PECAM1: variants seen among roughly 807,000 people sequenced by gnomAD.
The protein encoded by PECAM1 is platelet endothelial cell adhesion molecule.
In PECAM1, 8 loss-of-function variants were observed where a neutral mutation model predicts 13.8. The ratio of observed to expected loss-of-function variants is 0.58; its 90% confidence interval spans 0.34 to 1.05. The LOEUF (loss-of-function observed/expected upper bound fraction) is 1.05, where lower values mean the gene tolerates loss of function less well. Among genes scored for constraint, PECAM1 ranks in the 50% least tolerant of loss-of-function variants. The pLI is 0.03. For missense variants in PECAM1, 304 were observed against 141.2 expected, an observed-to-expected ratio of 2.15 and a Z score of -5.84; for synonymous variants, 136 against 52.6, an observed-to-expected ratio of 2.58 and a Z score of -6.86.
intron 6 of PECAM1, among the ~76,000 whole-genome samples, chr17:64,361,211 T>C (rs1421763055): frequency 6.7e-6 from 1 of 149,786 alleles, no homozygotes; most frequent in Non-Finnish European, 1.5e-5. Context: ...AATGGCGCAA[T>C]CTCAGCTGAC....
chr17:64,343,849 C>T (rs1158393362), intron 13 of PECAM1, among the ~76,000 whole-genome samples: 1 of 152,164 alleles, frequency 6.6e-6, no homozygotes, highest in African/African-American at 2.4e-5. Flanking sequence ...GTAGGGATCC[C>T]CAACCCTATT....
chr17:64,388,202 G>A (rs1164535642), intron 2 of PECAM1, among the ~76,000 whole-genome samples: 1 of 152,098 alleles, frequency 6.6e-6, no homozygotes, highest in Admixed American at 6.6e-5. Context: ...GGAGAGGGGA[G>A]AGCACCACGG....
chr17:64,381,166 CAA>C (rs1343467689), intron 2 of PECAM1, among the ~76,000 whole-genome samples: 1 of 152,188 alleles, frequency 6.6e-6, no homozygotes, highest in African/African-American at 2.4e-5. Flanking sequence ...CCTAATTTCA[CAA>C]AGTGTTCCAA....
At chr17:64,358,242 C>T (rs1046031920) in intron 7 of PECAM1, among the ~76,000 whole-genome samples, 2 of 151,522 alleles carry the variant, frequency 1.3e-5, no homozygotes, top group African/African-American at 4.8e-5. Flanking sequence ...CCTCAGCCAC[C>T]TGAGTAGCTG....
intron 5 of PECAM1, among the ~76,000 whole-genome samples, chr17:64,365,422 C>T (rs2036081020): frequency 2.0e-5 from 3 of 149,794 alleles, no homozygotes; most frequent in Admixed American, 2.0e-4. Flanking sequence ...GATTCAATGC[C>T]ATCCCCATCA....
chr17:64,371,987 G>C (rs940647602), intron 4 of PECAM1, among the ~76,000 whole-genome samples: 1 of 151,888 alleles, frequency 6.6e-6, no homozygotes, highest in African/African-American at 2.4e-5. Flanking sequence ...GGTGGTTTAC[G>C]GGAAAAAAAT....
At chr17:64,385,412 G>C (rs1286887546) in intron 2 of PECAM1, among the ~76,000 whole-genome samples, 1 of 152,192 alleles carries the variant, frequency 6.6e-6, no homozygotes, top group Non-Finnish European at 1.5e-5. Flanking sequence ...AGAAAGTGGA[G>C]GGTGCAGGAG....
At chr17:64,348,733 C>T (rs993526625) in intron 12 of PECAM1, among the ~76,000 whole-genome samples, 9 of 152,124 alleles carry the variant, frequency 5.9e-5, no homozygotes, top group Non-Finnish European at 1.0e-4. Context: ...CCACTGCCCC[C>T]GGCTAGATTT....
At chr17:64,383,382 A>AT (rs2036524905) in intron 2 of PECAM1, among the ~76,000 whole-genome samples, 1 of 152,214 alleles carries the variant, frequency 6.6e-6, no homozygotes. Flanking sequence ...TTTAACCTAA[A>AT]CAGTGACTGC....
chr17:64,330,681 T>G (rs1158495855), intron 14 of PECAM1, among the ~76,000 whole-genome samples: 1 of 148,898 alleles, frequency 6.7e-6, no homozygotes, highest in Non-Finnish European at 1.5e-5. Context: ...AAGAAAAAAA[T>G]GAAAACTATG....
At position 64,380,376 on chromosome 17, in the gene PECAM1, G is replaced by T. The variant is rs1383116895; in HGVS notation, c.92-2259C>A. Among the ~76,000 whole-genome samples the T allele has an allele frequency of 2.0e-5, 3 of 152,014 alleles. No individual in the cohort carries two copies. In the East Asian group the frequency reaches 5.8e-4, roughly 29 times the overall value. Reference sequence around the variant, plus strand: ...AAAGAGAAAAAGTAATTGATCTGTAGGGGATTTGGAAAAAAATGTACTGAA... The same window carrying T: ...AAAGAGAAAAAGTAATTGATCTGTATGGGATTTGGAAAAAAATGTACTGAA... On this transcript the variant is annotated intron_variant, in intron 2 of 15. Transcript: ENST00000563924.
At chr17:64,339,167 A>C (rs963464633) in intron 14 of PECAM1, among the ~76,000 whole-genome samples, 8 of 152,172 alleles carry the variant, frequency 5.3e-5, no homozygotes, top group Non-Finnish European at 1.2e-4. Context: ...GGCCTCCTGC[A>C]GCGAGGATCC....
Position 64,358,111 on chromosome 17 carries a change from C to CTTTTTTTTTT in PECAM1, c.1493-1723_1493-1714dup, listed in dbSNP as rs141671796. 5.7e-4 allele frequency among the ~76,000 whole-genome samples: 41 copies of CTTTTTTTTTT among 71,546 alleles called. 2 individuals are homozygous for CTTTTTTTTTT. Among genetic ancestry groups the CTTTTTTTTTT allele is most frequent in the East Asian group, 2.1e-3 (4 of 1,868 alleles). 46.9% of individuals were successfully genotyped at this position (71,546 alleles called of 152,430 possible). ...TCCAGCCATCTGATTTGGCCACAGT[C>CTTTTTTTTTT]TTTTTTTTTTTTTTTTTTTTTTTTT... On this transcript the variant is annotated intron_variant, in intron 7 of 15. Transcript: ENST00000563924.
At chr17:64,360,558 T>C (rs971730366) in intron 6 of PECAM1, 143 bp from the exon 7 acceptor site, 16 of 381,424 alleles carry the variant, frequency 4.2e-5, no homozygotes, top group South Asian at 1.5e-4. Context: ...TTTACCTTTA[T>C]AGGACACCTA....
chr17:64,348,295 G>A lies in PECAM1; in HGVS notation c.2072C>T (p.Thr691Met). The A allele has an allele frequency of 2.1e-6, 1 of 475,262 alleles. No homozygotes were observed. Among genetic ancestry groups the A allele is most frequent in the Non-Finnish European group, 3.9e-6 (1 of 259,040 alleles). 29.4% of individuals were successfully genotyped at this position (475,262 alleles called of 1,614,324 possible). ...CTCAGCTGAGGACACTTGAACTTCC[G>A]TGTACTGCACGTCTGAGTTCAGAGG... ...KEPLNSDVQY[T>M]EVQVSSAESH... is the part of the protein sequence containing the mutation. The change falls in exon 13 of 16, where the codon ACG (threonine) becomes ATG (methionine). Residue 691 changes from threonine (T) to methionine (M), a missense_variant. Thr to Met is a moderately conservative substitution (Grantham distance 81). Transcript: ENST00000563924.
intron 12 of PECAM1, among the ~76,000 whole-genome samples, chr17:64,349,091 C>T (rs959935745): frequency 3.9e-5 from 6 of 152,074 alleles, no homozygotes; most frequent in South Asian, 4.1e-4. Context: ...GAGAGGATTT[C>T]GGGAAATGGG....
intron 10 of PECAM1, 145 bp downstream of exon 10, chr17:64,353,346 A>AACT (rs2035776256): frequency 2.5e-6 from 1 of 400,622 alleles, no homozygotes; most frequent in African/African-American, 2.1e-5. Flanking sequence ...CACACAACTC[A>AACT]CACACACAAC....
At chr17:64,333,790 T>C (rs2035191557) in intron 14 of PECAM1, among the ~76,000 whole-genome samples, 1 of 151,656 alleles carries the variant, frequency 6.6e-6, no homozygotes. Context: ...AAACCCCATC[T>C]CTACTAAAAT....
chr17:64,363,384 C>T lies in PECAM1; in HGVS notation c.981G>A (p.Lys327=). 3 of 475,378 alleles carry T rather than the reference C, an allele frequency of 6.3e-6. No individual in the cohort carries two copies. Among genetic ancestry groups the T allele is most frequent in the East Asian group, 3.1e-5 (1 of 32,040 alleles). The allele number at this position is 475,378 out of a possible 1,614,324, so 29.4% of individuals were successfully genotyped here. ...IVVNITELFS[K]PELESSFTHL... ...GTGTGAAGGAAGATTCCAGTTCGGG[C>T]TTGGAAAATAGTTCTGAAAAACAGT... is the stretch of plus-strand genomic sequence containing the variant. The change falls in exon 6 of 16, where the codon AAG becomes AAA. Residue 327 remains lysine, a synonymous_variant. Transcript: ENST00000563924.
Sources: allele counts gnomAD v4.1 joint callset (sites outside exome capture counted in the v4.1 genomes callset), GRCh38; gene constraint gnomAD v4.1.1; transcripts MANE v1.5; gene names NCBI Gene and HGNC (gene_info 2026-07-23, HGNC 2026-07-21).